KCNH1: variants seen among roughly 807,000 people sequenced by gnomAD.
The protein encoded by KCNH1 is potassium voltage-gated channel subfamily H member 1, also known as voltage-gated delayed rectifier potassium channel KCNH1.
Under a neutral mutation model 69.2 loss-of-function variants are expected in KCNH1, and 27 were observed. The observed-to-expected ratio is 0.39, with a 90% CI of 0.29 to 0.54. The LOEUF is 0.54. Ranked by LOEUF, KCNH1 falls within the 20% of genes least tolerant of loss-of-function variation. The probability of loss-of-function intolerance (pLI) is 0.68; values close to 1 mark genes in which losing one functional copy is unlikely to be tolerated. For missense variants in KCNH1, 798 were observed against 1,261.6 expected (o/e 0.63, Z 5.57); for synonymous variants, 456 against 487.7 (o/e 0.93, Z 0.86).
chr1:211,086,193 T>A (rs1415433993), intron 4 of KCNH1, among the ~76,000 whole-genome samples: 1 of 152,172 alleles, frequency 6.6e-6, no homozygotes, highest in Non-Finnish European at 1.5e-5. Context: ...AACAAATATT[T>A]TTTTTTCTCT....
chr1:210,988,870 A>G (rs181186413), intron 6 of KCNH1, among the ~76,000 whole-genome samples: 127 of 152,336 alleles, frequency 8.3e-4, no homozygotes, highest in Non-Finnish European at 1.6e-3. Context: ...AGACCTGACA[A>G]TGTTCAATAA....
At chr1:210,860,417 C>G in intron 7 of KCNH1, 1 of 1,048,686 alleles carries the variant, frequency 9.5e-7, no homozygotes, top group Non-Finnish European at 1.5e-6. Flanking sequence ...TGATCTTCAA[C>G]TACACTAAGA....
intron 7 of KCNH1, among the ~76,000 whole-genome samples, chr1:210,906,199 G>A (rs930438131): frequency 1.6e-4 from 24 of 152,198 alleles, no homozygotes; most frequent in Non-Finnish European, 5.9e-5. Flanking sequence ...CCTCGTGCTC[G>A]GCTTATAAGC....
chr1:210,967,658 T>A (rs557310007), intron 6 of KCNH1, among the ~76,000 whole-genome samples: 7 of 152,264 alleles, frequency 4.6e-5, no homozygotes, highest in Non-Finnish European at 7.4e-5. Context: ...CTATCCTGAA[T>A]CAATACCATA....
chr1:210,745,031 C>T lies in KCNH1; in HGVS notation c.2112+30317G>A, dbSNP rs570710253. Reference sequence around the variant, plus strand: ...CAGCCTGGCCAACATGGCGAAACCCCATCTCTACTAAAAATACAAAAATTA... The same window carrying T: ...CAGCCTGGCCAACATGGCGAAACCCTATCTCTACTAAAAATACAAAAATTA... On this transcript the variant is annotated intron_variant, in intron 10 of 10. Transcript: ENST00000271751. 8.8e-5 allele frequency among the ~76,000 whole-genome samples: 6 copies of T among 68,246 alleles called. No homozygotes were observed. The Admixed American group carries it at 1.0e-3, about 12-fold the overall frequency. 44.8% of individuals were successfully genotyped at this position (68,246 alleles called of 152,430 possible). A position where few individuals can be genotyped will look rare whatever the true frequency, so the allele number is the denominator to read the frequency against.
At chr1:210,800,651 G>C (rs1448866715) in intron 8 of KCNH1, among the ~76,000 whole-genome samples, 1 of 152,144 alleles carries the variant, frequency 6.6e-6, no homozygotes, top group Admixed American at 6.5e-5. Context: ...TGGGGTGTCT[G>C]GAACTCCTCT....
Position 211,016,908 on chromosome 1 carries a change from C to CAAAA in KCNH1, c.1032+1871_1032+1874dup, listed in dbSNP as rs550833970. Among the ~76,000 whole-genome samples the CAAAA allele has an allele frequency of 8.5e-4, 77 of 90,736 alleles. 1 individual carries two copies. Among genetic ancestry groups the CAAAA allele is most frequent in the African/African-American group, 3.4e-3 (71 of 20,646 alleles). 59.5% of individuals were successfully genotyped at this position (90,736 alleles called of 152,430 possible). A position where few individuals can be genotyped will look rare whatever the true frequency, so the allele number is the denominator to read the frequency against. On this transcript the variant is annotated intron_variant, in intron 6 of 10. Transcript: ENST00000271751. ...TGGGTGACAGAGCAAGACTCTGTCT[C>CAAAA]AAAAAAAAAAAAAATTTTAAAATTA...
chr1:210,712,201 G>A (rs1213761092), intron 10 of KCNH1, among the ~76,000 whole-genome samples: 3 of 152,192 alleles, frequency 2.0e-5, no homozygotes, highest in African/African-American at 7.2e-5. Flanking sequence ...AAAGGAACAT[G>A]GTAATGCTGC....
At chr1:211,094,692 A>C (rs1691114603) in intron 3 of KCNH1, among the ~76,000 whole-genome samples, 1 of 152,188 alleles carries the variant, frequency 6.6e-6, no homozygotes, top group African/African-American at 2.4e-5. Context: ...TAGGTGCTCT[A>C]GGAATGCTAA....
chr1:211,060,327 G>A (rs1690410779), intron 5 of KCNH1, among the ~76,000 whole-genome samples: 1 of 148,596 alleles, frequency 6.7e-6, no homozygotes, highest in Non-Finnish European at 1.5e-5. Context: ...TATGAACCCG[G>A]GAGGCGGAGC....
intron 7 of KCNH1, among the ~76,000 whole-genome samples, chr1:210,912,441 ATATACT>A (rs1687253533): frequency 6.6e-6 from 1 of 152,238 alleles, no homozygotes; most frequent in East Asian, 1.9e-4. Flanking sequence ...TCATATCCAG[ATATACT>A]TATATTTAAT....
chr1:210,725,611 C>T (rs546987073), intron 10 of KCNH1, among the ~76,000 whole-genome samples: 4 of 152,242 alleles, frequency 2.6e-5, no homozygotes, highest in Non-Finnish European at 4.4e-5. Context: ...GAGGTATGAA[C>T]GATGAACAGG....
chr1:210,992,279 T>C (rs1189421697), intron 6 of KCNH1, among the ~76,000 whole-genome samples: 1 of 152,236 alleles, frequency 6.6e-6, no homozygotes. Context: ...GCGATTGTTA[T>C]TTTGTCATGC....
chr1:211,034,234 C>A (rs1470778823), intron 5 of KCNH1, among the ~76,000 whole-genome samples: 1 of 151,932 alleles, frequency 6.6e-6, no homozygotes, highest in African/African-American at 2.4e-5. Context: ...CTATATATAT[C>A]ATAGAGCTCT....
chr1:210,859,468 G>A lies in KCNH1; in HGVS notation c.1463-55302C>T, dbSNP rs1225673931. On this transcript the variant is annotated intron_variant, in intron 7 of 10. Coordinates refer to ENST00000271751, the MANE Select transcript of KCNH1 (RefSeq NM_172362.3). ...AATGATTGTGGAATAGCCTTCCAGA[G>A]CAGTCTCTTCAGCATCACCTTCTTC... 4.7e-5 allele frequency: 75 copies of A among 1,608,822 alleles called. No homozygotes were observed. In the Middle Eastern group the frequency reaches 3.0e-3, roughly 64 times the overall value.
chr1:211,113,759 T>C (rs1203025613), intron 1 of KCNH1, among the ~76,000 whole-genome samples: 1 of 152,060 alleles, frequency 6.6e-6, no homozygotes, highest in East Asian at 1.9e-4. Context: ...GCTGCTGAAG[T>C]TGAATAAGCA....
At chr1:210,900,163 T>G (rs534860413) in intron 7 of KCNH1, among the ~76,000 whole-genome samples, 25 of 152,254 alleles carry the variant, frequency 1.6e-4, no homozygotes, top group African/African-American at 6.0e-4. Flanking sequence ...AGAGAGAGAT[T>G]TAAACAAATA....
At chr1:211,052,827 A>G (rs555024214) in intron 5 of KCNH1, among the ~76,000 whole-genome samples, 8 of 152,208 alleles carry the variant, frequency 5.3e-5, no homozygotes, top group Admixed American at 1.3e-4. Flanking sequence ...CATGTGTTCA[A>G]TAAGTAAAGT....
At chr1:210,907,291 T>A (rs1359314690) in intron 7 of KCNH1, among the ~76,000 whole-genome samples, 2 of 152,036 alleles carry the variant, frequency 1.3e-5, no homozygotes, top group East Asian at 3.9e-4. Context: ...TTGTACCCAG[T>A]GGGGAAGGAC....
Sources: gnomAD v4.1 joint callset for allele counts (sites outside exome capture counted in the v4.1 genomes callset) on GRCh38, gnomAD v4.1.1 for gene constraint, MANE v1.5 for transcripts, NCBI Gene and HGNC (gene_info 2026-07-23, HGNC 2026-07-21) for gene names.